Variants in MTURN observed in about 807,000 individuals in gnomAD.
MTURN encodes maturin.
A neutral mutation model predicts 14.9 loss-of-function variants in MTURN; 7 were observed. That is an observed-to-expected ratio of 0.47 (90% CI 0.27 to 0.88). The LOEUF (loss-of-function observed/expected upper bound fraction) is 0.88, where lower values mean the gene tolerates loss of function less well. MTURN is among the 40% of genes least tolerant of loss of function. MTURN has a pLI of 0.14. For synonymous variants in MTURN, 69 were observed against 72.5 expected (o/e 0.95, Z 0.25); for missense variants, 151 against 174.1 (o/e 0.87, Z 0.75).
chr7:30,154,385 C>CAT (rs1797254627), intron 2 of MTURN, among the ~76,000 whole-genome samples: 1 of 152,198 alleles, frequency 6.6e-6, no homozygotes, highest in African/African-American at 2.4e-5. Context: ...TGGGATAGGC[C>CAT]ATAGGCTCAC....
At chr7:30,151,561 A>G (rs988056962) in intron 2 of MTURN, among the ~76,000 whole-genome samples, 15 of 152,250 alleles carry the variant, frequency 9.9e-5, no homozygotes, top group Admixed American at 7.2e-4. Flanking sequence ...CCAATTTAGC[A>G]GTGAAACTAG....
chr7:30,137,026 C>T (rs1483716172), intron 1 of MTURN, among the ~76,000 whole-genome samples: 1 of 151,160 alleles, frequency 6.6e-6, no homozygotes, highest in South Asian at 2.1e-4. Flanking sequence ...CCTGTAAGCC[C>T]ATCTTAACTG....
Position 30,137,001 on chromosome 7 carries a change from A to G in MTURN, c.162+1703A>G, listed in dbSNP as rs147770464. Among the ~76,000 whole-genome samples, 1,105 of 152,272 alleles carry G rather than the reference A, an allele frequency of 7.3e-3. 21 individuals are homozygous for G. Among genetic ancestry groups the G allele is most frequent in the African/African-American group, 0.026 (1,066 of 41,500 alleles). On this transcript the variant is annotated intron_variant, in intron 1 of 2. Coordinates refer to ENST00000324453, the MANE Select transcript of MTURN (RefSeq NM_152793.3). ...GAATACCTCCAGAAGAGCCAACTGA[A>G]CAATAATATTAATGCCTGTAAGCCC...
intron 2 of MTURN, among the ~76,000 whole-genome samples, chr7:30,148,181 G>A (rs1797155527): frequency 6.6e-6 from 1 of 152,230 alleles, no homozygotes; most frequent in South Asian, 2.1e-4. Context: ...AACCAGGGAA[G>A]GCTTTGCTGA....
chr7:30,143,254 G>A (rs1797078953), intron 1 of MTURN, among the ~76,000 whole-genome samples: 1 of 151,982 alleles, frequency 6.6e-6, no homozygotes, highest in African/African-American at 2.4e-5. Flanking sequence ...AGAAAGCTTT[G>A]CTGGCAAATC....
intron 1 of MTURN, chr7:30,137,574 G>A (rs1796984023): frequency 2.1e-6 from 1 of 470,942 alleles, no homozygotes. Flanking sequence ...TAGAGGATGG[G>A]GGTGGGCAGA....
intron 2 of MTURN, among the ~76,000 whole-genome samples, chr7:30,151,421 G>A (rs983513085): frequency 3.9e-5 from 6 of 152,220 alleles, no homozygotes; most frequent in East Asian, 1.9e-4. Flanking sequence ...CAATGGTTAC[G>A]GACCTAAATA....
chr7:30,145,852 G>T, intron 1 of MTURN: 1 of 1,542,238 alleles, frequency 6.5e-7, no homozygotes, highest in Non-Finnish European at 8.7e-7. Context: ...TCTGAAAACC[G>T]CCCTTAGCCT....
chr7:30,135,242 G>T lies in MTURN; in HGVS notation c.106G>T (p.Asp36Tyr). 1 of 1,518,404 alleles carries T rather than the reference G, an allele frequency of 6.6e-7. No individual in the cohort carries two copies. The highest frequency in any genetic ancestry group is 8.8e-7 in the Non-Finnish European group (1 of 1,131,012). The allele number at this position is 1,518,404 out of a possible 1,614,324, so 94.1% of individuals were successfully genotyped here. Reference protein sequence around the residue: ...ETERRMDFYADPGVSFYVLCP... With the variant: ...ETERRMDFYAYPGVSFYVLCP... ...CGAACGCAGGATGGATTTCTACGCC[G>T]ACCCCGGCGTCTCCTTCTATGTGCT... The change falls in exon 1 of 3, where the codon GAC becomes TAC. Residue 36 changes from aspartate to tyrosine, a missense_variant. Transcript: ENST00000324453.
chr7:30,139,702 C>G (rs1192789305), intron 1 of MTURN, among the ~76,000 whole-genome samples: 2 of 152,186 alleles, frequency 1.3e-5, no homozygotes, highest in East Asian at 3.8e-4. Flanking sequence ...GCCAGTAGTT[C>G]CAGGGGCCCA....
chr7:30,156,516 T>C (rs1797290128), intron 2 of MTURN, among the ~76,000 whole-genome samples: 3 of 151,416 alleles, frequency 2.0e-5, no homozygotes, highest in Admixed American at 2.0e-4. Context: ...AATATATATA[T>C]ACATACACAC....
At chr7:30,152,399 C>T (rs1797225071) in intron 2 of MTURN, among the ~76,000 whole-genome samples, 1 of 152,162 alleles carries the variant, frequency 6.6e-6, no homozygotes, top group African/African-American at 2.4e-5. Context: ...GCTTTAGAGT[C>T]CTACCACCCC....
chr7:30,148,450 A>T (rs1292421016), intron 2 of MTURN, among the ~76,000 whole-genome samples: 1 of 152,162 alleles, frequency 6.6e-6, no homozygotes, highest in East Asian at 1.9e-4. Context: ...CAGAAGAGGG[A>T]TGTCACCTGA....
At chr7:30,140,413 G>GTATATATATATATATATA (rs1276497717) in intron 1 of MTURN, among the ~76,000 whole-genome samples, 10 of 23,048 alleles carry the variant, frequency 4.3e-4, no homozygotes, top group Admixed American at 3.0e-3. Flanking sequence ...GTGTGTGTGT[G>GTATATATATATATATATA]TGTATCCCCA....
chr7:30,146,023 CAA>C (rs1322124881), intron 1 of MTURN, 152 bp from the exon 2 acceptor site: 2 of 1,564,406 alleles, frequency 1.3e-6, no homozygotes, highest in Admixed American at 2.0e-5. Flanking sequence ...TCAACGCAAA[CAA>C]ATCAAGAACG....
At position 30,162,120 on chromosome 7, in the gene MTURN, G is replaced by A. The variant is rs1174174563; in HGVS notation, c.*4572G>A. ...GCACTATAAGGCTGAATAGGCACAA[G>A]CGATTAAAAGTAGATGCCAGGCCAC... is the stretch of plus-strand genomic sequence containing the variant. On this transcript the variant is annotated 3_prime_UTR_variant, in exon 3 of 3. Coordinates refer to ENST00000324453, the MANE Select transcript of MTURN (RefSeq NM_152793.3). 6.6e-6 allele frequency: 1 copy of A among 152,004 alleles called. No homozygotes were observed. The highest frequency in any genetic ancestry group is 1.5e-5 in the Non-Finnish European group (1 of 68,016). 9.4% of individuals were successfully genotyped at this position (152,004 alleles called of 1,614,324 possible).
intron 2 of MTURN, among the ~76,000 whole-genome samples, chr7:30,151,392 A>G (rs148510826): frequency 8.1e-4 from 124 of 152,330 alleles, no homozygotes; most frequent in African/African-American, 2.8e-3. Flanking sequence ...GTCATACACG[A>G]TTGAGCTGGA....
rs1477414926 is a variant in MTURN at position 30,158,489 on chromosome 7, CT to C, written c.*946del. Reference sequence around the variant, plus strand: ...AAAAATATGGTAGAATCCTTCTTTACTTTTTAAGTCTTTTATTTAAAAAAAA... The same window carrying C: ...AAAAATATGGTAGAATCCTTCTTTACTTTTAAGTCTTTTATTTAAAAAAAA... On this transcript the variant is annotated 3_prime_UTR_variant, in exon 3 of 3. Coordinates refer to ENST00000324453, the MANE Select transcript of MTURN (RefSeq NM_152793.3). 1 of 145,530 alleles carries C rather than the reference CT, an allele frequency of 6.9e-6. No individual in the cohort carries two copies. The highest frequency in any genetic ancestry group is 6.9e-5 in the Admixed American group (1 of 14,508). The allele number at this position is 145,530 out of a possible 1,614,324, so 9.0% of individuals were successfully genotyped here. A position where few individuals can be genotyped will look rare whatever the true frequency, so the allele number is the denominator to read the frequency against.
At chr7:30,154,763 A>G (rs1186485061) in intron 2 of MTURN, among the ~76,000 whole-genome samples, 3 of 152,212 alleles carry the variant, frequency 2.0e-5, no homozygotes, top group Admixed American at 1.3e-4. Context: ...GGCCACAGAG[A>G]ACTGCCTCTC....
Sources: gnomAD v4.1 joint callset for allele counts (sites outside exome capture counted in the v4.1 genomes callset) on GRCh38, gnomAD v4.1.1 for gene constraint, MANE v1.5 for transcripts, NCBI Gene and HGNC (gene_info 2026-07-23, HGNC 2026-07-21) for gene names.